Variants in KAZN observed in about 807,000 individuals in gnomAD.
The protein encoded by KAZN is kazrin.
In KAZN, 40 loss-of-function variants were observed where a neutral mutation model predicts 87.4. That is an observed-to-expected ratio of 0.46 (90% CI 0.36 to 0.60). The LOEUF (loss-of-function observed/expected upper bound fraction) is 0.60. Among genes scored for constraint, KAZN ranks in the 20% least tolerant of loss-of-function variants. The pLI, the probability that KAZN is intolerant of heterozygous loss-of-function variation, is 0.00. For missense variants in KAZN, 898 were observed against 1,073.9 expected (o/e 0.84, Z 2.29); for synonymous variants, 466 against 458.3 (o/e 1.02, Z -0.22).
chr1:14,069,907 A>G (rs1643173027), intron 1 of KAZN, among the ~76,000 whole-genome samples: 1 of 152,138 alleles, frequency 6.6e-6, no homozygotes, highest in Non-Finnish European at 1.5e-5. Context: ...GCGGTGGCTC[A>G]CGCCTGTAAT....
chr1:14,577,125 C>A (rs952636552), intron 2 of KAZN, among the ~76,000 whole-genome samples: 37 of 152,192 alleles, frequency 2.4e-4, no homozygotes, highest in Non-Finnish European at 5.0e-4. Flanking sequence ...TAAGGTTTGT[C>A]AAACTGCATC....
Position 15,069,617 on chromosome 1 carries a change from A to C in KAZN, c.1222+3864A>C, listed in dbSNP as rs575919967. The stretch of plus-strand genomic sequence containing the variant: ...GCTCCAACCTGGGTGACAGAGCGAG[A>C]CTCTGTCTCAAAAAAATAAATAAAT... On this transcript the variant is annotated intron_variant, in intron 8 of 14. Transcript: ENST00000376030. 4.6e-5 allele frequency among the ~76,000 whole-genome samples: 7 copies of C among 152,234 alleles called. No homozygotes were observed. In the South Asian group the frequency reaches 1.2e-3, roughly 27 times the overall value.
At chr1:14,988,289 C>T (rs757732032) in intron 2 of KAZN, among the ~76,000 whole-genome samples, 1 of 152,236 alleles carries the variant, frequency 6.6e-6, no homozygotes, top group Non-Finnish European at 1.5e-5. Context: ...CCCGGGGCTT[C>T]CTCCGTCACA....
intron 2 of KAZN, among the ~76,000 whole-genome samples, chr1:14,516,651 T>C (rs1394018870): frequency 2.0e-5 from 3 of 152,226 alleles, no homozygotes; most frequent in Non-Finnish European, 4.4e-5. Context: ...GGTATTTGTC[T>C]TGTATGTTTG....
intron 2 of KAZN, among the ~76,000 whole-genome samples, chr1:14,409,081 C>A (rs147127109): frequency 6.6e-6 from 1 of 152,100 alleles, no homozygotes; most frequent in Non-Finnish European, 1.5e-5. Context: ...TGAGAACTTT[C>A]GGAAAGACTA....
chr1:14,228,695 G>C (rs1163204289), intron 2 of KAZN, among the ~76,000 whole-genome samples: 1 of 152,254 alleles, frequency 6.6e-6, no homozygotes, highest in Non-Finnish European at 1.5e-5. Flanking sequence ...TTTGGGAAGG[G>C]TGGAGAATAA....
At chr1:14,398,296 G>A (rs1298638048) in intron 2 of KAZN, among the ~76,000 whole-genome samples, 1 of 152,230 alleles carries the variant, frequency 6.6e-6, no homozygotes, top group East Asian at 1.9e-4. Context: ...AAAGTGTGGA[G>A]TAGATCAGGT....
At chr1:13,914,389 T>G (rs1444766060) in intron 1 of KAZN, among the ~76,000 whole-genome samples, 1 of 152,240 alleles carries the variant, frequency 6.6e-6, no homozygotes, top group African/African-American at 2.4e-5. Flanking sequence ...CTTGTATGAA[T>G]TGCACAGAAC....
intron 1 of KAZN, among the ~76,000 whole-genome samples, chr1:14,828,488 T>A (rs778593348): frequency 5.9e-5 from 9 of 151,994 alleles, no homozygotes; most frequent in Non-Finnish European, 1.3e-4. Context: ...AAGAGGAGGG[T>A]GCATGAGCTC....
chr1:14,434,057 A>C (rs1013632529), intron 2 of KAZN, among the ~76,000 whole-genome samples: 1 of 152,112 alleles, frequency 6.6e-6, no homozygotes, highest in Admixed American at 6.5e-5. Context: ...ACATAACTTG[A>C]TGTTTAAGCC....
rs375074903 is a variant in KAZN, at chr1:14,525,148, A to ATGT, written c.250-73834_250-73832dup. 1.8e-3 allele frequency among the ~76,000 whole-genome samples: 274 copies of ATGT among 152,350 alleles called. 2 individuals are homozygous for ATGT. The highest frequency in any genetic ancestry group is 6.3e-3 in the African/African-American group (261 of 41,574). On this transcript the variant is annotated intron_variant, in intron 2 of 16. Coordinates refer to the KAZN transcript ENST00000636203. ...TATATGTATGGACGTGTGTTTGAAT[A>ATGT]TGTGCATGCATGCATGTATGTGTAT...
chr1:14,423,666 C>T (rs1245687062), intron 2 of KAZN, among the ~76,000 whole-genome samples: 1 of 152,178 alleles, frequency 6.6e-6, no homozygotes, highest in East Asian at 1.9e-4. Context: ...GTAACCATAC[C>T]TAGTGGATTG....
chr1:14,919,809 T>C lies in KAZN; in HGVS notation c.227-40875T>C, dbSNP rs917156894. Among the ~76,000 whole-genome samples, 5 of 152,332 alleles carry C rather than the reference T, an allele frequency of 3.3e-5. No individual in the cohort carries two copies. In the South Asian group the frequency reaches 8.3e-4, roughly 25 times the overall value. ...TTTTCTGTTGAGATATGTTTAGATA[T>C]ATAAAAACTTACCATCGTGTTACAA... On this transcript the variant is annotated intron_variant, in intron 1 of 14. Coordinates refer to ENST00000376030, the MANE Select transcript of KAZN (RefSeq NM_201628.3).
chr1:14,150,213 T>C (rs1227074783), intron 1 of KAZN, among the ~76,000 whole-genome samples: 1 of 152,214 alleles, frequency 6.6e-6, no homozygotes, highest in Non-Finnish European at 1.5e-5. Context: ...GTGATGTCCA[T>C]GTTATCACCA....
intron 1 of KAZN, among the ~76,000 whole-genome samples, chr1:14,046,516 G>T (rs1642080372): frequency 6.6e-6 from 1 of 152,188 alleles, no homozygotes; most frequent in African/African-American, 2.4e-5. Context: ...ATCCCATCTT[G>T]TTTGCTGGCT....
At chr1:14,960,449 C>T (rs1166209888) in intron 1 of KAZN, among the ~76,000 whole-genome samples, 1 of 152,100 alleles carries the variant, frequency 6.6e-6, no homozygotes, top group African/African-American at 2.4e-5. Flanking sequence ...GCAGTGGAGT[C>T]CTCGGGAGTC....
At position 14,696,556 on chromosome 1, in the gene KAZN, G is replaced by C. The variant is rs536545112; in HGVS notation, c.226+97333G>C. Among the ~76,000 whole-genome samples, 45 of 152,322 alleles carry C rather than the reference G, an allele frequency of 3.0e-4. No individual in the cohort carries two copies. The Middle Eastern group carries it at 0.014, about 46-fold the overall frequency. On this transcript the variant is annotated intron_variant, in intron 1 of 14. Transcript: ENST00000376030. ...GGCAGGTGAGGGGTTTGGCAACATT[G>C]CATGTTTCCTGCCTATTGCATCCTC...
chr1:14,294,444 A>G (rs1653961223), intron 2 of KAZN, among the ~76,000 whole-genome samples: 2 of 152,016 alleles, frequency 1.3e-5, no homozygotes, highest in Non-Finnish European at 2.9e-5. Context: ...CATAGTGCTA[A>G]GCTCTGCAGA....
At chr1:14,828,308 C>G (rs531747174) in intron 1 of KAZN, among the ~76,000 whole-genome samples, 1 of 152,312 alleles carries the variant, frequency 6.6e-6, no homozygotes, top group Admixed American at 6.5e-5. Context: ...ATTCAGGACT[C>G]TGGAGATTGC....
Sources: gnomAD v4.1 joint callset for allele counts (sites outside exome capture counted in the v4.1 genomes callset) on GRCh38, gnomAD v4.1.1 for gene constraint, MANE v1.5 for transcripts, NCBI Gene and HGNC (gene_info 2026-07-23, HGNC 2026-07-21) for gene names.